The following BBX variants were observed in gnomAD, a reference collection of about 807,000 sequenced individuals.
The protein encoded by BBX is HMG box transcription factor BBX.
Under a neutral mutation model 100.2 loss-of-function variants are expected in BBX, and 30 were observed. The ratio of observed to expected loss-of-function variants is 0.30; its 90% CI spans 0.22 to 0.41. The LOEUF is 0.41. Among genes scored for constraint, BBX ranks in the 10% least tolerant of loss-of-function variants. The pLI is 1.00. For missense variants in BBX, 1,023 were observed against 1,129.8 expected, an observed-to-expected ratio of 0.91 and a Z score of 1.35; for synonymous variants, 376 against 388.1, an observed-to-expected ratio of 0.97 and a Z score of 0.37.
intron 2 of BBX, among the ~76,000 whole-genome samples, chr3:107,596,950 C>T (rs1330437791): frequency 2.7e-4 from 41 of 152,046 alleles, no homozygotes; most frequent in Admixed American, 1.9e-3. Flanking sequence ...GTAGAATAGA[C>T]GAAAAGTAAA....
intron 15 of BBX, among the ~76,000 whole-genome samples, chr3:107,797,185 T>C (rs1314909385): frequency 6.6e-6 from 1 of 151,660 alleles, no homozygotes; most frequent in Admixed American, 6.6e-5. Flanking sequence ...CATAGCCTTC[T>C]TTCTTGAGGA....
intron 3 of BBX, among the ~76,000 whole-genome samples, chr3:107,687,924 A>T (rs2059940752): frequency 1.3e-5 from 2 of 152,044 alleles, no homozygotes; most frequent in Non-Finnish European, 2.9e-5. Context: ...GCATGGTGGC[A>T]CACATCTGTA....
At chr3:107,654,360 A>G (rs1391311830) in intron 3 of BBX, among the ~76,000 whole-genome samples, 2 of 152,154 alleles carry the variant, frequency 1.3e-5, no homozygotes, top group Admixed American at 1.3e-4. Flanking sequence ...TAAGGCTATT[A>G]TATCTTATTG....
At chr3:107,803,874 A>G (rs1255025438) in intron 17 of BBX, among the ~76,000 whole-genome samples, 1 of 151,276 alleles carries the variant, frequency 6.6e-6, no homozygotes. Context: ...TCCTTTTTCC[A>G]TTGATTTAGC....
At chr3:107,694,797 A>T (rs561017542) in intron 3 of BBX, among the ~76,000 whole-genome samples, 6 of 151,848 alleles carry the variant, frequency 4.0e-5, no homozygotes, top group Non-Finnish European at 8.8e-5. Flanking sequence ...TACCTCTGAT[A>T]TAATTCAGCT....
chr3:107,695,559 G>A (rs1228247652), intron 3 of BBX, among the ~76,000 whole-genome samples: 1 of 150,052 alleles, frequency 6.7e-6, no homozygotes, highest in Non-Finnish European at 1.5e-5. Context: ...TGGTCTGAGA[G>A]AGAGTTTGTT....
chr3:107,651,471 T>G (rs976398696), intron 3 of BBX, among the ~76,000 whole-genome samples: 3 of 152,234 alleles, frequency 2.0e-5, no homozygotes, highest in African/African-American at 7.2e-5. Flanking sequence ...GACTTCCATG[T>G]GTATTTATTG....
intron 2 of BBX, among the ~76,000 whole-genome samples, chr3:107,560,835 G>A (rs2050437412): frequency 6.6e-6 from 1 of 152,180 alleles, no homozygotes; most frequent in Non-Finnish European, 1.5e-5. Flanking sequence ...AGCTAGGAGG[G>A]AGGTATTCTG....
At chr3:107,586,293 A>T (rs1020794338) in intron 2 of BBX, among the ~76,000 whole-genome samples, 3 of 152,184 alleles carry the variant, frequency 2.0e-5, no homozygotes, top group Non-Finnish European at 2.9e-5. Context: ...ATTAATCAAG[A>T]ATGAACTTGT....
chr3:107,716,946 G>C (rs1296720105), intron 5 of BBX, 97 bp downstream of exon 5: 5 of 1,405,598 alleles, frequency 3.6e-6, no homozygotes, highest in Non-Finnish European at 4.9e-6. Context: ...GTCTAGCAAT[G>C]AGAAGGTGAA....
intron 12 of BBX, 84 bp from the exon 13 acceptor site, chr3:107,778,287 A>G: frequency 6.6e-7 from 1 of 1,519,228 alleles, no homozygotes; most frequent in Non-Finnish European, 9.0e-7. Flanking sequence ...GTTTTCAAAT[A>G]GAATATCCTA....
chr3:107,788,122 TATTTTATTTC>T (rs932675794), intron 13 of BBX, among the ~76,000 whole-genome samples: 20 of 152,330 alleles, frequency 1.3e-4, no homozygotes, highest in African/African-American at 4.6e-4. Flanking sequence ...TATTTTATTT[TATTTTATTTC>T]ATTTTATTTT....
rs572509465 is a variant in BBX, at chr3:107,530,919, T to G, written c.-84+4521T>G. Among the ~76,000 whole-genome samples, 4 of 152,366 alleles carry G rather than the reference T, an allele frequency of 2.6e-5. No individual in the cohort carries two copies. The South Asian group carries it at 6.2e-4, about 24-fold the overall frequency. ...TCTATCAAATTGATTTCATGACTTA[T>G]AGTTTGAAAAACACTGGCCTAGAGT... On this transcript the variant is annotated intron_variant, in intron 2 of 17. Transcript: ENST00000325805.
rs1032720357 is a variant in BBX, at chr3:107,672,789, G to C, written c.-10+26880G>C. Among the ~76,000 whole-genome samples, 23 of 151,878 alleles carry C rather than the reference G, an allele frequency of 1.5e-4. 1 individual carries two copies. Among genetic ancestry groups the C allele is most frequent in the South Asian group, 8.3e-4 (4 of 4,820 alleles). ...TCACTTTGAATGTGGAATGACTGTTGGTCATTTTAATGAAGTAAATTTTAA... is the reference window on the plus strand; with the variant it reads ...TCACTTTGAATGTGGAATGACTGTTCGTCATTTTAATGAAGTAAATTTTAA... On this transcript the variant is annotated intron_variant, in intron 3 of 17. Transcript: ENST00000325805.
At chr3:107,621,192 G>T (rs1026369957) in intron 2 of BBX, among the ~76,000 whole-genome samples, 6 of 152,124 alleles carry the variant, frequency 3.9e-5, no homozygotes, top group African/African-American at 1.4e-4. Flanking sequence ...TTTGGCTAGA[G>T]AAAGCTGACT....
At chr3:107,802,864 G>A (rs931265553) in intron 17 of BBX, among the ~76,000 whole-genome samples, 1 of 152,138 alleles carries the variant, frequency 6.6e-6, no homozygotes, top group East Asian at 1.9e-4. Context: ...CTGATCAGGT[G>A]AACTGCTCTC....
intron 3 of BBX, among the ~76,000 whole-genome samples, chr3:107,652,627 A>G (rs2057906502): frequency 6.6e-6 from 1 of 152,190 alleles, no homozygotes; most frequent in Non-Finnish European, 1.5e-5. Context: ...ATATTCAGGC[A>G]TGGCTTCCTG....
rs138992747 is a variant in BBX at position 107,649,806 on chromosome 3, G to A, written c.-10+3897G>A. On this transcript the variant is annotated intron_variant, in intron 3 of 17. Transcript: ENST00000325805. ...AAGAGTGAGTCCTGTAGAAATATTC[G>A]TTACCGCATAATCTAATAATTAACT... is the stretch of plus-strand genomic sequence containing the variant. Among the ~76,000 whole-genome samples, 332 of 152,150 alleles carry A rather than the reference G, an allele frequency of 2.2e-3. 2 individuals carry two copies. Among genetic ancestry groups the A allele is most frequent in the African/African-American group, 7.4e-3 (307 of 41,520 alleles).
chr3:107,589,703 T>C (rs540744583), intron 2 of BBX, among the ~76,000 whole-genome samples: 1 of 152,170 alleles, frequency 6.6e-6, no homozygotes, highest in Non-Finnish European at 1.5e-5. Context: ...TCTGGGAAGA[T>C]ACCAAAGAAG....
Sources: gnomAD v4.1 joint callset for allele counts (sites outside exome capture counted in the v4.1 genomes callset) on GRCh38, gnomAD v4.1.1 for gene constraint, MANE v1.5 for transcripts, NCBI Gene and HGNC (gene_info 2026-07-23, HGNC 2026-07-21) for gene names.